DOCK1: variants seen among roughly 807,000 people sequenced by gnomAD.
DOCK1 encodes dedicator of cytokinesis 1, also known as dedicator of cytokinesis protein 1.
DOCK1 carries 138 observed loss-of-function variants against 262.7 expected under a neutral mutation model. The ratio of observed to expected loss-of-function variants is 0.53; its 90% CI spans 0.46 to 0.61. The LOEUF is 0.61. DOCK1 is among the 20% of genes least tolerant of loss of function. The pLI is 0.00. For synonymous variants in DOCK1, 866 were observed against 867.4 expected (o/e 1.00, Z 0.03); for missense variants, 1,908 against 2,370.7 (o/e 0.80, Z 4.05).
At chr10:127,439,977 T>C (rs1194273998) in intron 49 of DOCK1, among the ~76,000 whole-genome samples, 1 of 152,130 alleles carries the variant, frequency 6.6e-6, no homozygotes, top group African/African-American at 2.4e-5. Context: ...TTTGTGTTAC[T>C]GCAAAGGAAT....
intron 23 of DOCK1, among the ~76,000 whole-genome samples, chr10:127,079,794 G>A (rs1489271798): frequency 2.6e-5 from 4 of 152,136 alleles, no homozygotes; most frequent in African/African-American, 9.7e-5. Context: ...AGCTGGGCGT[G>A]TAGGTGCATG....
chr10:127,435,134 A>T (rs1196701870), intron 48 of DOCK1, among the ~76,000 whole-genome samples: 1 of 152,136 alleles, frequency 6.6e-6, no homozygotes, highest in Non-Finnish European at 1.5e-5. Context: ...CAACATTGGT[A>T]TTTTTTTGTA....
intron 4 of DOCK1, among the ~76,000 whole-genome samples, chr10:126,982,213 G>T (rs1461219950): frequency 6.6e-6 from 1 of 152,096 alleles, no homozygotes; most frequent in Non-Finnish European, 1.5e-5. Flanking sequence ...CTTGAACCTG[G>T]GGTCACTATT....
intron 27 of DOCK1, among the ~76,000 whole-genome samples, chr10:127,184,824 C>T (rs1354225495): frequency 2.0e-5 from 3 of 152,298 alleles, no homozygotes; most frequent in Non-Finnish European, 4.4e-5. Context: ...TGGTCTAGAT[C>T]TAGTCTTATC....
chr10:127,307,535 C>T (rs567301119), intron 29 of DOCK1, among the ~76,000 whole-genome samples: 152 of 152,324 alleles, frequency 1.0e-3, no homozygotes, highest in African/African-American at 3.4e-3. Flanking sequence ...CATTTCTCCC[C>T]GATCCGAGGA....
At chr10:126,946,715 C>T (rs990118625) in intron 1 of DOCK1, among the ~76,000 whole-genome samples, 22 of 152,314 alleles carry the variant, frequency 1.4e-4, no homozygotes, top group Admixed American at 3.3e-4. Flanking sequence ...CAGTATCTTC[C>T]GGGTTCATCC....
At position 127,410,867 on chromosome 10, in the gene DOCK1, A is replaced by G; in HGVS notation, c.4371A>G (p.Arg1457=). 6.2e-7 allele frequency: 1 copy of G among 1,613,920 alleles called. No individual in the cohort carries two copies. The highest frequency in any genetic ancestry group is 8.5e-7 in the Non-Finnish European group (1 of 1,179,884). Residue 1457 remains arginine, a synonymous_variant, in exon 43 of 52, where the codon CGA becomes CGG. Transcript: ENST00000623213. ...TTTACAGGGTGAACGAGGTCCAGCG[A>G]TTTGAATATTCTCGGCCAATCCGGA... ...VSFYRVNEVQ[R]FEYSRPIRKG... is the part of the protein sequence containing the mutation.
chr10:126,960,759 C>T (rs1266912736), intron 1 of DOCK1, among the ~76,000 whole-genome samples: 3 of 137,854 alleles, frequency 2.2e-5, no homozygotes, highest in Non-Finnish European at 3.2e-5. Flanking sequence ...CACACACACA[C>T]ACAGACACAT....
At chr10:127,420,187 C>T (rs994055722) in intron 46 of DOCK1, among the ~76,000 whole-genome samples, 1 of 152,240 alleles carries the variant, frequency 6.6e-6, no homozygotes, top group African/African-American at 2.4e-5. Flanking sequence ...GCACCTCTGG[C>T]GGTGGTGTGC....
chr10:127,366,259 C>G (rs554571347), intron 33 of DOCK1, among the ~76,000 whole-genome samples: 2 of 151,984 alleles, frequency 1.3e-5, no homozygotes, highest in African/African-American at 4.8e-5. Context: ...TTAAAAAAAT[C>G]CCTCTTGTAT....
intron 10 of DOCK1, among the ~76,000 whole-genome samples, chr10:127,003,270 ATGAACCTGCGTGAACCTGTG>A (rs915028638): frequency 5.4e-5 from 8 of 147,986 alleles, no homozygotes; most frequent in African/African-American, 1.8e-4. Flanking sequence ...TTGAACCTGT[ATGAACCTGCGTGAACCTGTG>A]TGAACCTGCG....
At chr10:127,137,558 GA>G in intron 27 of DOCK1, 1 of 331,018 alleles carries the variant, frequency 3.0e-6, no homozygotes, top group Non-Finnish European at 5.5e-6. Context: ...GGGGGTGGGG[GA>G]AAATTTTTAC....
rs560284219 is a variant in DOCK1, at chr10:127,159,145, A to G, written c.2847+31381A>G. Among the ~76,000 whole-genome samples, 44 of 152,340 alleles carry G rather than the reference A, an allele frequency of 2.9e-4. No homozygotes were observed. In the South Asian group the frequency reaches 8.7e-3, roughly 30 times the overall value. On this transcript the variant is annotated intron_variant, in intron 27 of 51. Transcript: ENST00000623213. ...TGATGCTCTGTTAGAAACAGAAGGG[A>G]TCTGGACAAGCCAATTCTACAAGGT...
intron 35 of DOCK1, among the ~76,000 whole-genome samples, chr10:127,376,687 G>A (rs932705802): frequency 1.3e-5 from 2 of 152,228 alleles, no homozygotes; most frequent in African/African-American, 2.4e-5. Context: ...TAACTTTATA[G>A]TGTTCCTTCT....
At chr10:127,351,956 G>A (rs768562747) in intron 31 of DOCK1, among the ~76,000 whole-genome samples, 17 of 151,702 alleles carry the variant, frequency 1.1e-4, no homozygotes, top group Admixed American at 2.6e-4. Flanking sequence ...AATTAAAACC[G>A]CATCTTTAGC....
intron 22 of DOCK1, among the ~76,000 whole-genome samples, chr10:127,054,340 G>A (rs1258605655): frequency 6.6e-6 from 1 of 152,150 alleles, no homozygotes; most frequent in Non-Finnish European, 1.5e-5. Context: ...TCACTCTGGC[G>A]TGTCCATGGT....
At chr10:127,430,094 C>T (rs1235962166) in intron 47 of DOCK1, among the ~76,000 whole-genome samples, 1 of 152,178 alleles carries the variant, frequency 6.6e-6, no homozygotes, top group Non-Finnish European at 1.5e-5. Context: ...CACCCGCTGG[C>T]CACCCAGACC....
intron 2 of DOCK1, 94 bp downstream of exon 2, chr10:126,970,879 C>A: frequency 7.3e-7 from 1 of 1,371,716 alleles, no homozygotes; most frequent in Non-Finnish European, 1.0e-6. Flanking sequence ...CTGTTACAGA[C>A]ACATAAGACA....
At chr10:127,381,133 G>A (rs1165463725) in intron 36 of DOCK1, 145 bp from the exon 37 acceptor site, 3 of 579,658 alleles carry the variant, frequency 5.2e-6, no homozygotes, top group Non-Finnish European at 8.0e-6. Flanking sequence ...TGTACCAAAA[G>A]TTTTTAAGGC....
Sources: gnomAD v4.1 joint callset for allele counts (sites outside exome capture counted in the v4.1 genomes callset) on GRCh38, gnomAD v4.1.1 for gene constraint, MANE v1.5 for transcripts, NCBI Gene and HGNC (gene_info 2026-07-23, HGNC 2026-07-21) for gene names.